Variants in SPATA24 observed in about 807,000 individuals in gnomAD.
SPATA24 encodes the protein spermatogenesis-associated protein 24.
A neutral mutation model predicts 28.9 loss-of-function variants in SPATA24; 21 were observed. That is an observed-to-expected ratio of 0.73 (90% CI 0.52 to 1.05). The LOEUF is 1.05. SPATA24 is among the 50% of genes least tolerant of loss of function. The pLI, the probability that SPATA24 is intolerant of heterozygous loss-of-function variation, is 0.00. For synonymous variants in SPATA24, 76 were observed against 89.9 expected, an observed-to-expected ratio of 0.85 and a Z score of 0.88; for missense variants, 215 against 242.9, an observed-to-expected ratio of 0.88 and a Z score of 0.76.
chr5:139,401,836 A>G lies in SPATA24; in HGVS notation c.315-11T>C. 1 of 1,549,018 alleles carries G rather than the reference A, an allele frequency of 6.5e-7. No homozygotes were observed. Among genetic ancestry groups the G allele is most frequent in the Non-Finnish European group, 8.7e-7 (1 of 1,145,000 alleles). Reference sequence around the variant, plus strand: ...TTGACACTGGAGAGCCTGGGTGGGGAAGATAAGATGGGAGGGTGGGCAGGC... The same window carrying G: ...TTGACACTGGAGAGCCTGGGTGGGGGAGATAAGATGGGAGGGTGGGCAGGC... On this transcript the variant is annotated splice_polypyrimidine_tract_variant and intron_variant, in intron 3 of 5. Transcript: ENST00000450845.
downstream of SPATA24, chr5:139,396,280 T>G: frequency 1.0e-6 from 1 of 985,432 alleles, no homozygotes; most frequent in Non-Finnish European, 1.2e-6. Context: ...CCTGTGCAAC[T>G]TGTGCAAATT....
In SPATA24 at chr5:139,401,421, G is replaced by A. The variant is rs1758817570; in HGVS notation, c.385+334C>T. 3 of 604,346 alleles carry A rather than the reference G, an allele frequency of 5.0e-6. No individual in the cohort carries two copies. In the South Asian group the frequency reaches 5.9e-5, roughly 12 times the overall value. 37.4% of individuals were successfully genotyped at this position (604,346 alleles called of 1,614,324 possible). A position where few individuals can be genotyped will look rare whatever the true frequency, so the allele number is the denominator to read the frequency against. The stretch of plus-strand genomic sequence containing the variant: ...AGGATCAGGTCCCAAATAGGACAGT[G>A]CTTGCCCTGTGTTCCTCTTGTATCA... On this transcript the variant is annotated intron_variant, in intron 4 of 5. Coordinates refer to ENST00000450845, the MANE Select transcript of SPATA24 (RefSeq NM_194296.2).
chr5:139,398,785 A>G (rs1448251057), intron 4 of SPATA24, among the ~76,000 whole-genome samples: 1 of 132,990 alleles, frequency 7.5e-6, no homozygotes, highest in Non-Finnish European at 1.5e-5. Context: ...GCACTTTGGG[A>G]GGCCAAGGCG....
intron 1 of SPATA24, among the ~76,000 whole-genome samples, chr5:139,403,222 G>A (rs1469662798): frequency 6.6e-6 from 1 of 152,160 alleles, no homozygotes; most frequent in Non-Finnish European, 1.5e-5. Flanking sequence ...GTAGCAAATA[G>A]GACAGGTCTC....
downstream of SPATA24, chr5:139,395,389 T>G (rs1758683603): frequency 3.1e-6 from 1 of 322,170 alleles, no homozygotes; most frequent in African/African-American, 2.1e-5. Context: ...AGCCAGGAGT[T>G]AGGCCCAACT....
rs770980528 is a variant in SPATA24, at chr5:139,396,803, T to C, written c.615A>G (p.Lys205=). 23 of 1,551,576 alleles carry C rather than the reference T, an allele frequency of 1.5e-5. No homozygotes were observed. In the Admixed American group the frequency reaches 2.2e-4, roughly 15 times the overall value. The part of the protein sequence containing the change: ...QARSHQHPRE[K] ...GAACAGGAAAGCGGCGGCCATTTTATTTTTCCCTGGGATGCTGGTGGCTGC... is the reference window on the plus strand; with the variant it reads ...GAACAGGAAAGCGGCGGCCATTTTACTTTTCCCTGGGATGCTGGTGGCTGC... The change falls in exon 6 of 6, where the codon AAA becomes AAG. Residue 205 remains lysine, a synonymous_variant. Transcript: ENST00000450845.
downstream of SPATA24, chr5:139,395,012 G>C: frequency 6.8e-7 from 1 of 1,469,936 alleles, no homozygotes; most frequent in Admixed American, 2.7e-5. Flanking sequence ...GAGTCCTGGC[G>C]CCGCGCGGGG....
chr5:139,393,084 T>C (rs1320917281), downstream of SPATA24: 3 of 1,527,464 alleles, frequency 2.0e-6, no homozygotes, highest in East Asian at 2.5e-5. Flanking sequence ...CTGGCGGCTC[T>C]TGCGTCTTGG....
downstream of SPATA24, chr5:139,394,438 C>A: frequency 7.2e-7 from 1 of 1,394,562 alleles, no homozygotes. Context: ...ACTCTGGGGC[C>A]GGGGGCGCAG....
chr5:139,394,004 G>A, downstream of SPATA24: 1 of 1,550,586 alleles, frequency 6.4e-7, no homozygotes, highest in Non-Finnish European at 8.7e-7. Flanking sequence ...GGCGCCTCTC[G>A]CGGGAACCGA....
At chr5:139,395,108 T>C, downstream of SPATA24, 1 of 1,384,400 alleles carries the variant, frequency 7.2e-7, no homozygotes, top group Non-Finnish European at 9.4e-7. Flanking sequence ...GTGCACTATC[T>C]CCCTCGCATT....
chr5:139,403,853 C>T (rs988679111), intron 1 of SPATA24, 91 bp downstream of exon 1: 8 of 1,138,022 alleles, frequency 7.0e-6, no homozygotes, highest in African/African-American at 1.5e-5. Flanking sequence ...TGCGTTCTAG[C>T]CACGGCCCCC....
At chr5:139,394,812 T>A (rs1345531273), downstream of SPATA24, 1 of 1,529,584 alleles carries the variant, frequency 6.5e-7, no homozygotes, top group Non-Finnish European at 8.8e-7. Flanking sequence ...AACCTGGGCC[T>A]CGCGGGAAAC....
downstream of SPATA24, chr5:139,394,298 C>T: frequency 2.6e-6 from 4 of 1,517,468 alleles, no homozygotes; most frequent in Non-Finnish European, 3.5e-6. Context: ...GCCGGGGCCT[C>T]GGGGCTCAGT....
downstream of SPATA24, chr5:139,392,725 G>A (rs1210727376): frequency 7.1e-7 from 1 of 1,411,758 alleles, no homozygotes; most frequent in Non-Finnish European, 9.2e-7. The surrounding 1 kb of genome is among the most constrained non-coding windows in gnomAD (Gnocchi z 5.8). Flanking sequence ...GGAGCGCTGG[G>A]ATGAGCTGCG....
intron 4 of SPATA24, among the ~76,000 whole-genome samples, chr5:139,400,671 C>T (rs1267027938): frequency 1.3e-5 from 2 of 152,086 alleles, no homozygotes; most frequent in African/African-American, 4.8e-5. Flanking sequence ...CTGAGGTGTA[C>T]GGGCATGTGT....
chr5:139,393,333 C>G (rs1303818458), downstream of SPATA24: 2 of 1,551,198 alleles, frequency 1.3e-6, no homozygotes, highest in Non-Finnish European at 1.7e-6. Flanking sequence ...GTGCTGCTAC[C>G]TCTGGGGACT....
chr5:139,393,672 G>C (rs752590513), downstream of SPATA24: 17 of 1,550,714 alleles, frequency 1.1e-5, no homozygotes, highest in Admixed American at 1.4e-4. Context: ...CGAGGGACGG[G>C]CTCCTTTCCC....
chr5:139,401,081 C>T (rs1758812329), intron 4 of SPATA24, among the ~76,000 whole-genome samples: 1 of 152,110 alleles, frequency 6.6e-6, no homozygotes. Context: ...CACTTGAACC[C>T]AGGAGATGGA....
Sources: gnomAD v4.1 joint callset for allele counts (sites outside exome capture counted in the v4.1 genomes callset) on GRCh38, gnomAD v4.1.1 for gene constraint, Gnocchi (gnomAD v3.1) non-coding constraint, MANE v1.5 for transcripts, NCBI Gene and HGNC (gene_info 2026-07-23, HGNC 2026-07-21) for gene names.